The following DGKB variants were observed in gnomAD, a reference collection of about 807,000 sequenced individuals.
DGKB encodes the protein 90 kDa diacylglycerol kinase.
In DGKB, 67 loss-of-function variants were observed where a neutral mutation model predicts 114.3. That is an observed-to-expected ratio of 0.59 (90% CI 0.48 to 0.72). The LOEUF is 0.72. Among genes scored for constraint, DGKB ranks in the 30% least tolerant of loss-of-function variants. The pLI is 0.00. For synonymous variants in DGKB, 398 were observed against 323.1 expected (o/e 1.23, Z -2.49); for missense variants, 907 against 975.2 (o/e 0.93, Z 0.93).
chr7:14,774,825 C>T (rs1402028632), intron 2 of DGKB, among the ~76,000 whole-genome samples: 1 of 152,144 alleles, frequency 6.6e-6, no homozygotes, highest in African/African-American at 2.4e-5. Context: ...CTTAAATCTT[C>T]TTTCCATCAC....
chr7:14,351,290 C>T (rs1040507035), intron 21 of DGKB, among the ~76,000 whole-genome samples: 1 of 152,140 alleles, frequency 6.6e-6, no homozygotes, highest in Non-Finnish European at 1.5e-5. Context: ...CACCACAAGT[C>T]AAATGGAAGG....
intron 20 of DGKB, among the ~76,000 whole-genome samples, chr7:14,533,216 T>G (rs562673186): frequency 6.6e-6 from 1 of 151,728 alleles, no homozygotes; most frequent in Non-Finnish European, 1.5e-5. Flanking sequence ...ATAAGTCAAC[T>G]AAAACTTTCA....
intron 5 of DGKB, among the ~76,000 whole-genome samples, chr7:14,727,110 A>C (rs1830143467): frequency 6.6e-6 from 1 of 152,216 alleles, no homozygotes; most frequent in Admixed American, 6.5e-5. Context: ...AAGTACAAAA[A>C]TGTTAAGACA....
intron 1 of DGKB, among the ~76,000 whole-genome samples, chr7:14,846,342 T>C (rs1388038729): frequency 2.6e-5 from 4 of 152,226 alleles, no homozygotes; most frequent in Non-Finnish European, 1.5e-5. Flanking sequence ...TGATATGACA[T>C]GTAGCTAAAT....
chr7:14,582,599 T>G (rs1296299745), intron 18 of DGKB, among the ~76,000 whole-genome samples: 1 of 152,164 alleles, frequency 6.6e-6, no homozygotes, highest in Non-Finnish European at 1.5e-5. Context: ...GATAACATGA[T>G]GAATAAAAAT....
At chr7:14,344,047 T>C (rs1179039859) in intron 22 of DGKB, among the ~76,000 whole-genome samples, 1 of 148,832 alleles carries the variant, frequency 6.7e-6, no homozygotes, top group South Asian at 2.1e-4. Flanking sequence ...AATTATTATA[T>C]AGATATACAT....
chr7:14,786,137 T>A (rs551078753), intron 2 of DGKB, among the ~76,000 whole-genome samples: 2 of 147,032 alleles, frequency 1.4e-5, no homozygotes, highest in African/African-American at 2.7e-5. Context: ...TCCAGGAACA[T>A]GTACACACAC....
At chr7:14,496,434 T>A (rs953313856) in intron 20 of DGKB, among the ~76,000 whole-genome samples, 1 of 151,750 alleles carries the variant, frequency 6.6e-6, no homozygotes, top group African/African-American at 2.4e-5. Flanking sequence ...TTTATTCATA[T>A]CAGAATGATC....
At chr7:14,211,300 A>ACTC (rs1787766860) in intron 23 of DGKB, among the ~76,000 whole-genome samples, 3 of 110,954 alleles carry the variant, frequency 2.7e-5, no homozygotes, top group African/African-American at 1.6e-4. Context: ...TGTGATATTT[A>ACTC]CTCTCATGTT....
chr7:14,295,264 C>T (rs1343069137), intron 23 of DGKB, among the ~76,000 whole-genome samples: 4 of 152,134 alleles, frequency 2.6e-5, no homozygotes, highest in Admixed American at 2.6e-4. Flanking sequence ...TTTTAGTTAG[C>T]AATATGTAAC....
At chr7:14,448,187 A>G (rs1437276892) in intron 21 of DGKB, among the ~76,000 whole-genome samples, 3 of 152,142 alleles carry the variant, frequency 2.0e-5, no homozygotes, top group South Asian at 4.1e-4. Context: ...GAAGAGCCAC[A>G]TAATGCTGTT....
Position 14,507,535 on chromosome 7 carries a change from C to T in DGKB, c.1771-29310G>A, listed in dbSNP as rs1051509159. The stretch of plus-strand genomic sequence containing the variant: ...ATGAAGATATTTTCATTTTGTATTA[C>T]ACTTTGCACAGAAAATTTCACAGTG... On this transcript the variant is annotated intron_variant, in intron 20 of 25. Coordinates refer to ENST00000402815, the MANE Select transcript of DGKB (RefSeq NM_001350709.2). Among the ~76,000 whole-genome samples the T allele has an allele frequency of 2.0e-5, 3 of 152,108 alleles. No individual in the cohort carries two copies. The East Asian group carries it at 5.8e-4, about 29-fold the overall frequency.
intron 13 of DGKB, among the ~76,000 whole-genome samples, chr7:14,665,968 A>G (rs968667546): frequency 6.6e-6 from 1 of 152,034 alleles, no homozygotes; most frequent in Non-Finnish European, 1.5e-5. Flanking sequence ...TAATTTCAAA[A>G]GTATGGACTT....
intron 1 of DGKB, among the ~76,000 whole-genome samples, chr7:14,946,914 T>A (rs1255378490): frequency 6.6e-6 from 1 of 151,740 alleles, no homozygotes; most frequent in Admixed American, 6.6e-5. Flanking sequence ...TTACCTGATA[T>A]AAATAATTTT....
At chr7:14,352,914 ACT>A (rs1813745103) in intron 21 of DGKB, among the ~76,000 whole-genome samples, 1 of 151,914 alleles carries the variant, frequency 6.6e-6, no homozygotes, top group Admixed American at 6.6e-5. Context: ...CAAGAGCGAA[ACT>A]CTGTCTCAAA....
At chr7:14,822,836 C>A (rs963622241) in intron 2 of DGKB, among the ~76,000 whole-genome samples, 16 of 151,998 alleles carry the variant, frequency 1.1e-4, no homozygotes, top group African/African-American at 2.9e-4. Flanking sequence ...CACAAAATTG[C>A]AAATTAAAGA....
intron 23 of DGKB, among the ~76,000 whole-genome samples, chr7:14,296,752 C>A (rs1802634718): frequency 7.7e-6 from 1 of 130,230 alleles, no homozygotes. Context: ...TCAGTGAATC[C>A]AGGGACTGTT....
intron 21 of DGKB, among the ~76,000 whole-genome samples, chr7:14,346,600 G>A (rs928355728): frequency 3.3e-5 from 5 of 151,846 alleles, no homozygotes; most frequent in Non-Finnish European, 5.9e-5. Context: ...TTAGTTTATG[G>A]CCTGATTTCA....
chr7:14,516,589 G>T (rs752265911), intron 20 of DGKB, among the ~76,000 whole-genome samples: 1 of 152,190 alleles, frequency 6.6e-6, no homozygotes, highest in Non-Finnish European at 1.5e-5. Flanking sequence ...ATGCAAGAAA[G>T]ATGTGAGGGA....
Sources: allele counts gnomAD v4.1 joint callset (sites outside exome capture counted in the v4.1 genomes callset), GRCh38; gene constraint gnomAD v4.1.1; transcripts MANE v1.5; gene names NCBI Gene and HGNC (gene_info 2026-07-23, HGNC 2026-07-21).